Variants in KALRN observed in about 807,000 individuals in gnomAD.
The protein encoded by KALRN is kalirin RhoGEF kinase.
In KALRN, 70 loss-of-function variants were observed where a neutral mutation model predicts 353.7. The ratio of observed to expected loss-of-function variants is 0.20; its 90% CI spans 0.16 to 0.24. The LOEUF (loss-of-function observed/expected upper bound fraction) is 0.24, where lower values mean the gene tolerates loss of function less well. KALRN is among the 10% of genes least tolerant of loss of function. The pLI is 1.00. For synonymous variants in KALRN, 1,391 were observed against 1,434.8 expected (o/e 0.97, Z 0.69); for missense variants, 2,791 against 3,756.7 (o/e 0.74, Z 6.72).
intron 1 of KALRN, among the ~76,000 whole-genome samples, chr3:124,138,866 T>TG (rs1417340163): frequency 6.6e-6 from 1 of 152,074 alleles, no homozygotes; most frequent in Admixed American, 6.5e-5. Flanking sequence ...ACACTTCTGC[T>TG]GGGGGGAAAA....
chr3:124,488,071 C>G (rs963394280), intron 28 of KALRN, 133 bp from the exon 29 acceptor site: 60 of 575,034 alleles, frequency 1.0e-4, no homozygotes, highest in Non-Finnish European at 8.5e-5. Context: ...TTTTACCCCA[C>G]CTCACTTTCT....
intron 34 of KALRN, chr3:124,584,930 G>T (rs1330396261): frequency 1.3e-6 from 2 of 1,581,878 alleles, no homozygotes; most frequent in Non-Finnish European, 1.7e-6. Context: ...GGCGGCCTTG[G>T]TGCCTTCTGT....
At chr3:124,589,296 A>T (rs1561356309) in intron 34 of KALRN, among the ~76,000 whole-genome samples, 1 of 152,238 alleles carries the variant, frequency 6.6e-6, no homozygotes, top group East Asian at 1.9e-4. Context: ...AAAAGGAACC[A>T]TTATGACATT....
At chr3:124,665,191 A>G (rs1310612263) in intron 45 of KALRN, among the ~76,000 whole-genome samples, 1 of 152,214 alleles carries the variant, frequency 6.6e-6, no homozygotes, top group Non-Finnish European at 1.5e-5. Context: ...CGCCTGAGAA[A>G]GAGCACCTGC....
At chr3:124,525,953 T>C (rs1334671128) in intron 33 of KALRN, among the ~76,000 whole-genome samples, 1 of 151,878 alleles carries the variant, frequency 6.6e-6, no homozygotes, top group East Asian at 1.9e-4. Flanking sequence ...GTCCTTGGAG[T>C]CCTTGATTGA....
intron 25 of KALRN, among the ~76,000 whole-genome samples, chr3:124,471,966 CA>C (rs34537933): frequency 0.019 from 2,092 of 110,776 alleles, 114 homozygotes; most frequent in East Asian, 0.079. Flanking sequence ...GACTCCGTCT[CA>C]AAAAAAAAAA....
chr3:124,175,845 T>C (rs1436497887), intron 1 of KALRN, among the ~76,000 whole-genome samples: 1 of 152,218 alleles, frequency 6.6e-6, no homozygotes, highest in Non-Finnish European at 1.5e-5. Flanking sequence ...GATTTCAGCC[T>C]CTATTCTCTA....
intron 10 of KALRN, among the ~76,000 whole-genome samples, chr3:124,354,963 CAAATGGAAG>C (rs1357277684): frequency 1.3e-5 from 2 of 152,152 alleles, no homozygotes; most frequent in African/African-American, 2.4e-5. Flanking sequence ...TCTGCTCCAT[CAAATGGAAG>C]ATATGGAAAA....
intron 5 of KALRN, among the ~76,000 whole-genome samples, chr3:124,279,544 A>G (rs111927966): frequency 3.9e-5 from 6 of 152,200 alleles, no homozygotes; most frequent in Admixed American, 6.5e-5. Context: ...GCAGCAGAGC[A>G]TGGAGGTGAG....
chr3:124,620,307 G>C (rs1460070385), intron 34 of KALRN, among the ~76,000 whole-genome samples: 1 of 152,096 alleles, frequency 6.6e-6, no homozygotes, highest in African/African-American at 2.4e-5. Flanking sequence ...GTCTCGCTAT[G>C]TTGCTCAGCT....
chr3:124,398,138 C>A (rs181102108), intron 12 of KALRN, among the ~76,000 whole-genome samples: 47 of 152,248 alleles, frequency 3.1e-4, no homozygotes, highest in South Asian at 4.1e-4. Context: ...ATAGCCTGAG[C>A]CTGTTTAGTA....
intron 15 of KALRN, among the ~76,000 whole-genome samples, chr3:124,428,033 A>T (rs1437044919): frequency 1.3e-5 from 2 of 152,240 alleles, no homozygotes; most frequent in Non-Finnish European, 2.9e-5. Context: ...AATGTCACAC[A>T]GCTCAAAATT....
chr3:124,429,114 AC>A (rs1226917871), intron 15 of KALRN, among the ~76,000 whole-genome samples: 2 of 152,232 alleles, frequency 1.3e-5, no homozygotes, highest in Admixed American at 6.5e-5. Flanking sequence ...GCCACAGTCC[AC>A]CAGTGACAAC....
intron 47 of KALRN, among the ~76,000 whole-genome samples, chr3:124,670,482 G>A (rs1372392019): frequency 6.6e-6 from 1 of 152,168 alleles, no homozygotes; most frequent in Non-Finnish European, 1.5e-5. Flanking sequence ...ATGTGATGAC[G>A]GACCAGGGCC....
intron 1 of KALRN, among the ~76,000 whole-genome samples, chr3:124,166,415 C>G (rs1359697754): frequency 6.6e-6 from 1 of 152,140 alleles, no homozygotes; most frequent in African/African-American, 2.4e-5. Context: ...ATAGATGTTT[C>G]TCCTTCAGAA....
chr3:124,349,087 A>G (rs1355587259), intron 10 of KALRN, among the ~76,000 whole-genome samples: 1 of 152,232 alleles, frequency 6.6e-6, no homozygotes, highest in African/African-American at 2.4e-5. Flanking sequence ...ATGTCCATTG[A>G]CGGATGCATG....
intron 25 of KALRN, among the ~76,000 whole-genome samples, chr3:124,473,283 T>C (rs533281241): frequency 6.6e-6 from 1 of 152,328 alleles, no homozygotes; most frequent in South Asian, 2.1e-4. Context: ...ATGGTACAGG[T>C]AAGTAGTAGA....
At chr3:124,449,273 G>A (rs1005843772) in intron 21 of KALRN, among the ~76,000 whole-genome samples, 1 of 152,020 alleles carries the variant, frequency 6.6e-6, no homozygotes, top group Non-Finnish European at 1.5e-5. Flanking sequence ...GTGGTCCAAA[G>A]GAACAGACCA....
chr3:124,712,633 T>G (rs977941944), intron 57 of KALRN, among the ~76,000 whole-genome samples: 1 of 130,132 alleles, frequency 7.7e-6, no homozygotes, highest in East Asian at 2.3e-4. Context: ...CTAGCCTGGG[T>G]AGCAGAGCAA....
Sources: allele counts gnomAD v4.1 joint callset (sites outside exome capture counted in the v4.1 genomes callset), GRCh38; gene constraint gnomAD v4.1.1; transcripts MANE v1.5; gene names NCBI Gene and HGNC (gene_info 2026-07-23, HGNC 2026-07-21).